SGTB: variants seen among roughly 807,000 people sequenced by gnomAD.
SGTB encodes the protein small glutamine rich tetratricopeptide repeat co-chaperone beta, also known as small glutamine-rich tetratricopeptide repeat-containing protein beta.
SGTB carries 19 observed loss-of-function variants against 43.9 expected under a neutral mutation model. That is an observed-to-expected ratio of 0.43 (90% CI 0.30 to 0.63). The LOEUF (loss-of-function observed/expected upper bound fraction) is 0.63, where lower values mean the gene tolerates loss of function less well. SGTB is among the 30% of genes least tolerant of loss of function. The pLI is 0.12. For synonymous variants in SGTB, 116 were observed against 117.3 expected, an observed-to-expected ratio of 0.99 and a Z score of 0.07; for missense variants, 304 against 358.9, an observed-to-expected ratio of 0.85 and a Z score of 1.24.
intron 4 of SGTB, among the ~76,000 whole-genome samples, chr5:65,706,117 C>A (rs768846046): frequency 6.6e-6 from 1 of 151,948 alleles, no homozygotes; most frequent in Non-Finnish European, 1.5e-5. Flanking sequence ...TGCATTGTAC[C>A]CTTTAAAGAA....
intron 1 of SGTB, among the ~76,000 whole-genome samples, chr5:65,721,231 G>T (rs1369274826): frequency 2.0e-5 from 3 of 152,176 alleles, no homozygotes; most frequent in South Asian, 4.1e-4. Flanking sequence ...CTTTTTCATG[G>T]GATCTAAAAA....
chr5:65,704,421 T>C, intron 4 of SGTB, 43 bp from the exon 5 acceptor site: 2 of 1,388,092 alleles, frequency 1.4e-6, no homozygotes, highest in Non-Finnish European at 2.0e-6. Flanking sequence ...ATAATATACA[T>C]TAAAAACATA....
At chr5:65,702,477 G>A (rs1260894988) in intron 5 of SGTB, among the ~76,000 whole-genome samples, 2 of 152,174 alleles carry the variant, frequency 1.3e-5, no homozygotes, top group African/African-American at 2.4e-5. Context: ...AAAAGAGACT[G>A]GGAAATGCAG....
chr5:65,722,371 C>G, upstream of SGTB: 2 of 1,581,414 alleles, frequency 1.3e-6, no homozygotes, highest in Non-Finnish European at 1.7e-6. Flanking sequence ...TCTCAGCGCT[C>G]CCATGATCGC....
At chr5:65,705,446 C>A (rs1757911663) in intron 4 of SGTB, among the ~76,000 whole-genome samples, 1 of 151,780 alleles carries the variant, frequency 6.6e-6, no homozygotes, top group African/African-American at 2.4e-5. Context: ...GAGTGAAACC[C>A]TGTCTTTAAA....
intron 5 of SGTB, among the ~76,000 whole-genome samples, chr5:65,686,419 C>T (rs570525538): frequency 3.9e-4 from 59 of 152,296 alleles, no homozygotes; most frequent in Non-Finnish European, 6.0e-4. Context: ...AAGAGTCTCA[C>T]GCCAACCCAA....
chr5:65,698,912 A>C (rs1757761402), intron 5 of SGTB, among the ~76,000 whole-genome samples: 1 of 152,210 alleles, frequency 6.6e-6, no homozygotes, highest in Non-Finnish European at 1.5e-5. Flanking sequence ...GTGAAAAGGG[A>C]ATGCTCATAC....
chr5:65,670,859 A>G (rs941912023), intron 10 of SGTB, among the ~76,000 whole-genome samples: 9 of 152,212 alleles, frequency 5.9e-5, no homozygotes, highest in African/African-American at 1.9e-4. Context: ...TAAAAATGCA[A>G]TATTCTAAGT....
chr5:65,700,679 T>TC (rs1213021306), intron 5 of SGTB, among the ~76,000 whole-genome samples: 4 of 87,234 alleles, frequency 4.6e-5, no homozygotes, highest in Non-Finnish European at 6.9e-5. Flanking sequence ...AGACTCTGTC[T>TC]CCCAAAAAAA....
At chr5:65,671,878 A>C (rs200641132) in intron 10 of SGTB, 37 bp downstream of exon 10, 2 of 1,584,644 alleles carry the variant, frequency 1.3e-6, no homozygotes, top group African/African-American at 2.7e-5. Context: ...AAAACATAAA[A>C]TACATCTTCA....
intron 8 of SGTB, among the ~76,000 whole-genome samples, chr5:65,677,014 C>CA (rs34685401): frequency 8.2e-4 from 110 of 134,462 alleles, no homozygotes; most frequent in African/African-American, 1.8e-3. Flanking sequence ...GAAAACCCTT[C>CA]AAAAAAAAAA....
chr5:65,685,565 C>T lies in SGTB; in HGVS notation c.375-93G>A, dbSNP rs1208968584. The T allele has an allele frequency of 5.4e-6, 5 of 932,064 alleles. No homozygotes were observed. The African/African-American group carries it at 6.6e-5, about 12-fold the overall frequency. 57.7% of individuals were successfully genotyped at this position (932,064 alleles called of 1,614,324 possible). A position where few individuals can be genotyped will look rare whatever the true frequency, so the allele number is the denominator to read the frequency against. On this transcript the variant is annotated intron_variant, in intron 5 of 10. Transcript: ENST00000381007. ...TAATAATACTACCTTTTTCTTGTTC[C>T]AATTTGTAGATCACTCCCACTAAAT... is the stretch of plus-strand genomic sequence containing the variant.
intron 5 of SGTB, among the ~76,000 whole-genome samples, chr5:65,701,101 G>GAAA (rs1360558924): frequency 1.3e-5 from 2 of 151,150 alleles, no homozygotes; most frequent in African/African-American, 4.9e-5. Flanking sequence ...GGAGTTATAG[G>GAAA]AAAACAAATT....
At chr5:65,703,520 A>G (rs996029649) in intron 5 of SGTB, among the ~76,000 whole-genome samples, 1 of 152,058 alleles carries the variant, frequency 6.6e-6, no homozygotes, top group Non-Finnish European at 1.5e-5. Flanking sequence ...AGCCTGGCCA[A>G]CTTGAACAGT....
At chr5:65,679,878 G>C (rs955980333) in intron 8 of SGTB, among the ~76,000 whole-genome samples, 1 of 152,198 alleles carries the variant, frequency 6.6e-6, no homozygotes, top group African/African-American at 2.4e-5. Context: ...GTTCACTGCA[G>C]CACTATTCAC....
intron 5 of SGTB, among the ~76,000 whole-genome samples, chr5:65,690,719 A>T (rs1042058691): frequency 1.3e-5 from 2 of 152,240 alleles, no homozygotes; most frequent in African/African-American, 4.8e-5. Context: ...AAAAACGTAC[A>T]AAGTTCAGAA....
In SGTB at chr5:65,668,041, C is replaced by T. The variant is rs1166087841; in HGVS notation, c.*2205G>A. On this transcript the variant is annotated 3_prime_UTR_variant, in exon 11 of 11. Coordinates refer to ENST00000381007, the MANE Select transcript of SGTB (RefSeq NM_019072.3). ...AATCTTGGCTCACTGCAACCTCTGC[C>T]TCTCAGGTTCGAGCAATTCTCATGC... is the stretch of plus-strand genomic sequence containing the variant. 1 of 151,448 alleles carries T rather than the reference C, an allele frequency of 6.6e-6. No individual in the cohort carries two copies. The highest frequency in any genetic ancestry group is 1.5e-5 in the Non-Finnish European group (1 of 67,928). 9.4% of individuals were successfully genotyped at this position (151,448 alleles called of 1,614,324 possible). A position where few individuals can be genotyped will look rare whatever the true frequency, so the allele number is the denominator to read the frequency against.
At chr5:65,691,580 G>A (rs1302119122) in intron 5 of SGTB, among the ~76,000 whole-genome samples, 9 of 151,282 alleles carry the variant, frequency 5.9e-5, no homozygotes, top group Non-Finnish European at 1.0e-4. Context: ...CACTGGCCTC[G>A]GCCTCCCAAA....
At chr5:65,715,641 T>C (rs753329383) in intron 2 of SGTB, among the ~76,000 whole-genome samples, 1 of 152,228 alleles carries the variant, frequency 6.6e-6, no homozygotes, top group Non-Finnish European at 1.5e-5. Context: ...AAAAGATCCC[T>C]AACCTCTTGG....
Sources: gnomAD v4.1 joint callset for allele counts (sites outside exome capture counted in the v4.1 genomes callset) on GRCh38, gnomAD v4.1.1 for gene constraint, MANE v1.5 for transcripts, NCBI Gene and HGNC (gene_info 2026-07-23, HGNC 2026-07-21) for gene names.